Variants in BLACAT1 observed in about 807,000 individuals in gnomAD.
BLACAT1 encodes BLACAT1 overlapping LEMD1 locus.
exon 2 of BLACAT1, among the ~76,000 whole-genome samples, chr1:205,440,440 GGA>G (rs1180530468): frequency 6.6e-6 from 1 of 152,194 alleles, no homozygotes; most frequent in African/African-American, 2.4e-5. Flanking sequence ...TGGAATCCCA[GGA>G]GAGTCTCACA....
chr1:205,449,629 A>G (rs2102477872), intron 1 of BLACAT1, among the ~76,000 whole-genome samples: 1 of 151,526 alleles, frequency 6.6e-6, no homozygotes, highest in East Asian at 1.9e-4. Context: ...CCCTCCACAC[A>G]CTCCAGACAT....
Position 205,450,854 on chromosome 1 carries a change from A to C in BLACAT1, c.-37+5063T>G, listed in dbSNP as rs1448281147. Among the ~76,000 whole-genome samples, 3 of 152,148 alleles carry C rather than the reference A, an allele frequency of 2.0e-5. No homozygotes were observed. The highest frequency in any genetic ancestry group is 4.4e-5 in the Non-Finnish European group (3 of 68,024). ...GTGAACCTCACTTGAAATATGGAGA[A>C]AGAGGAAGCAGGTCAAGCCTCACCT... is the stretch of plus-strand genomic sequence containing the variant. On this transcript the variant is annotated intron_variant, in intron 1 of 1. Coordinates refer to ENST00000629624, the Ensembl canonical transcript of BLACAT1. The surrounding 1 kb of genome is among the most constrained non-coding windows in gnomAD (Gnocchi z 4.4).
chr1:205,447,688 G>A (rs1449670976), intron 1 of BLACAT1, among the ~76,000 whole-genome samples: 3 of 152,042 alleles, frequency 2.0e-5, no homozygotes, highest in East Asian at 1.9e-4. Context: ...CACCGCAGGA[G>A]GGGGCAGCTC....
At position 205,444,395 on chromosome 1, in the gene BLACAT1, G is replaced by C. The variant is rs529815954; in HGVS notation, c.-36-3333C>G. ...ATGCCCTGCCCAGCCAGCTTTGTGG[G>C]AGCCAAGCAGAAGAGATGCCAATCC... On this transcript the variant is annotated intron_variant, in intron 1 of 1. Transcript: ENST00000629624. Among the ~76,000 whole-genome samples, 3 of 152,088 alleles carry C rather than the reference G, an allele frequency of 2.0e-5. No homozygotes were observed. The South Asian group carries it at 6.2e-4, about 32-fold the overall frequency.
Position 205,441,684 on chromosome 1 carries a change from A to G in BLACAT1, c.-36-622T>C, listed in dbSNP as rs1666295919. On this transcript the variant is annotated intron_variant, in intron 1 of 1. Transcript: ENST00000629624. The surrounding 1 kb of genome is among the most constrained non-coding windows in gnomAD (Gnocchi z 4.3). ...TCAGGGCAATGCAAATCCCATCCTC[A>G]CCATGCAGAGAAGAGACAGCAAAGA... 6.6e-6 allele frequency among the ~76,000 whole-genome samples: 1 copy of G among 152,154 alleles called. No individual in the cohort carries two copies. The highest frequency in any genetic ancestry group is 2.1e-4 in the South Asian group (1 of 4,828).
chr1:205,436,994 C>T (rs750404447), downstream of BLACAT1: 3 of 152,444 alleles, frequency 2.0e-5, no homozygotes, highest in Non-Finnish European at 2.9e-5. Flanking sequence ...GGCAATTTGC[C>T]AAGGTCAGGA....
chr1:205,440,397 AG>A (rs1489455562), exon 2 of BLACAT1, among the ~76,000 whole-genome samples: 1 of 152,206 alleles, frequency 6.6e-6, no homozygotes, highest in Non-Finnish European at 1.5e-5. Context: ...GGATGCTGGC[AG>A]GGGGCTGGAA....
chr1:205,455,414 G>C (rs1032903286), intron 1 of BLACAT1, among the ~76,000 whole-genome samples: 1 of 152,114 alleles, frequency 6.6e-6, no homozygotes, highest in Non-Finnish European at 1.5e-5. Flanking sequence ...CCCCAAACTG[G>C]GGTCTCCTGG....
chr1:205,443,803 G>C (rs567346105), intron 1 of BLACAT1, among the ~76,000 whole-genome samples: 2 of 152,204 alleles, frequency 1.3e-5, no homozygotes, highest in African/African-American at 4.8e-5. Context: ...GAAGTGGGGG[G>C]ACATGGGGCA....
chr1:205,454,898 A>G (rs1328665348), intron 1 of BLACAT1, among the ~76,000 whole-genome samples: 3 of 152,220 alleles, frequency 2.0e-5, no homozygotes, highest in African/African-American at 7.2e-5. Context: ...AGATTAAATC[A>G]GACCAAAAGA....
At chr1:205,444,980 C>CG (rs1359850514) in intron 1 of BLACAT1, among the ~76,000 whole-genome samples, 2 of 151,846 alleles carry the variant, frequency 1.3e-5, no homozygotes, top group Admixed American at 6.6e-5. Context: ...CTGAGCCCTC[C>CG]GCCCCCTCCC....
downstream of BLACAT1, chr1:205,435,943 A>G (rs1666197492): frequency 6.6e-6 from 1 of 152,168 alleles, no homozygotes; most frequent in Admixed American, 6.5e-5. Flanking sequence ...CCTCTGGGAG[A>G]AGATGCTGTG....
chr1:205,439,301 A>T (rs1405761842), downstream of BLACAT1, among the ~76,000 whole-genome samples: 5 of 152,230 alleles, frequency 3.3e-5, no homozygotes, highest in East Asian at 9.6e-4. Context: ...TGGATATAAA[A>T]GGAAATAACA....
chr1:205,438,669 C>G (rs1317174724), downstream of BLACAT1, among the ~76,000 whole-genome samples: 1 of 152,208 alleles, frequency 6.6e-6, no homozygotes, highest in Admixed American at 6.5e-5. Flanking sequence ...GTGCTGGCCC[C>G]AACCTCAGCC....
intron 1 of BLACAT1, among the ~76,000 whole-genome samples, chr1:205,444,629 AAAGT>A (rs1194064929): frequency 1.3e-5 from 2 of 152,162 alleles, no homozygotes; most frequent in Non-Finnish European, 1.5e-5. Flanking sequence ...AGCAGGCCAG[AAAGT>A]AAGATAAAGA....
At chr1:205,440,388 G>A (rs976623118) in exon 2 of BLACAT1, among the ~76,000 whole-genome samples, 1 of 152,230 alleles carries the variant, frequency 6.6e-6, no homozygotes, top group Non-Finnish European at 1.5e-5. Flanking sequence ...GGCCCAGGAG[G>A]ATGCTGGCAG....
At chr1:205,440,928 C>G in exon 2 of BLACAT1, 1 of 152,366 alleles carries the variant, frequency 6.6e-6, no homozygotes, top group African/African-American at 2.4e-5. Context: ...GTTCTGATCA[C>G]ACCGCCGTCT....
At chr1:205,438,703 C>T (rs1442255323), downstream of BLACAT1, among the ~76,000 whole-genome samples, 3 of 152,144 alleles carry the variant, frequency 2.0e-5, no homozygotes, top group Non-Finnish European at 4.4e-5. Context: ...GGGCTGCCGG[C>T]TTGGAGGCAG....
intron 1 of BLACAT1, 47 bp downstream of exon 1, chr1:205,455,870 G>T (rs898658052): frequency 5.9e-5 from 9 of 152,250 alleles, no homozygotes; most frequent in African/African-American, 2.2e-4. Context: ...CCAAGGGGTC[G>T]CCAACTCGCG....
Sources: gnomAD v4.1 joint callset for allele counts (sites outside exome capture counted in the v4.1 genomes callset) on GRCh38, gnomAD v4.1.1 for gene constraint, Gnocchi (gnomAD v3.1) non-coding constraint, MANE v1.5 for transcripts, NCBI Gene and HGNC (gene_info 2026-07-23, HGNC 2026-07-21) for gene names.